KMT2C: variants seen among roughly 807,000 people sequenced by gnomAD.
KMT2C encodes lysine methyltransferase 2C.
A neutral mutation model predicts 507.9 loss-of-function variants in KMT2C; 88 were observed. The ratio of observed to expected loss-of-function variants is 0.17; its 90% CI spans 0.15 to 0.21. KMT2C has a LOEUF of 0.21. Ranked by LOEUF, KMT2C falls within the 10% of genes least tolerant of loss-of-function variation. KMT2C has a pLI of 1.00. For missense variants in KMT2C, 4,954 were observed against 5,957.8 expected (o/e 0.83, Z 5.55); for synonymous variants, 2,049 against 2,080.8 (o/e 0.98, Z 0.42).
intron 1 of KMT2C, among the ~76,000 whole-genome samples, chr7:152,428,006 G>T (rs1376028020): frequency 6.6e-6 from 1 of 152,054 alleles, no homozygotes; most frequent in Non-Finnish European, 1.5e-5. Flanking sequence ...GGTAACTCCT[G>T]TCTCCATATT....
chr7:152,213,927 A>G (rs555504635), intron 23 of KMT2C, among the ~76,000 whole-genome samples: 1 of 152,252 alleles, frequency 6.6e-6, no homozygotes, highest in South Asian at 2.1e-4. Flanking sequence ...CTGAATAGCC[A>G]TTTTTCCAAA....
chr7:152,240,967 T>A (rs1046509165), intron 14 of KMT2C, among the ~76,000 whole-genome samples: 1 of 152,122 alleles, frequency 6.6e-6, no homozygotes, highest in Non-Finnish European at 1.5e-5. Flanking sequence ...ATCAAGCAAG[T>A]CACTATTCTA....
chr7:152,136,866 C>G lies in KMT2C; in HGVS notation c.14702G>C (p.Cys4901Ser). The change falls in exon 59 of 59, where the codon TGT (cysteine) becomes TCT (serine). Residue 4901 changes from cysteine (C) to serine (S), a missense_variant. By Grantham distance (112) the Cys-to-Ser change is moderately radical. Around this residue, in one of 29 missense-constraint regions of KMT2C, gnomAD observed 133 missense variants for 258.9 expected, o/e 0.51. Coordinates refer to ENST00000262189, the MANE Select transcript of KMT2C (RefSeq NM_170606.3). ...CCACTTCCGGCAGTTCACAGCTCCACAGTGACACGGAATCTTGTGCTGGTC... is the reference window on the plus strand; with the variant it reads ...CCACTTCCGGCAGTTCACAGCTCCAGAGTGACACGGAATCTTGTGCTGGTC... ...EDDQHKIPCH[C>S]GAVNCRKWMN 6.2e-7 allele frequency: 1 copy of G among 1,613,696 alleles called. No homozygotes were observed. Among genetic ancestry groups the G allele is most frequent in the South Asian group, 1.1e-5 (1 of 91,086 alleles).
At chr7:152,435,579 C>T (rs911899100) in intron 1 of KMT2C, 47 bp downstream of exon 1, 36 of 1,297,616 alleles carry the variant, frequency 2.8e-5, no homozygotes, top group Admixed American at 2.2e-4. Flanking sequence ...AGCTCCGGCC[C>T]GGCGCCGCCG....
intron 1 of KMT2C, among the ~76,000 whole-genome samples, chr7:152,413,586 T>A (rs1214836065): frequency 2.0e-5 from 3 of 152,118 alleles, no homozygotes; most frequent in Non-Finnish European, 4.4e-5. Context: ...TTTGTTCTCT[T>A]TAAAATTACA....
intron 1 of KMT2C, among the ~76,000 whole-genome samples, chr7:152,432,622 G>T (rs1359498467): frequency 6.6e-6 from 1 of 152,114 alleles, no homozygotes; most frequent in Non-Finnish European, 1.5e-5. Context: ...CAAGTTTCTT[G>T]ATTTTAGGTA....
At chr7:152,395,727 C>CAGG (rs2097534448) in intron 1 of KMT2C, among the ~76,000 whole-genome samples, 2 of 152,088 alleles carry the variant, frequency 1.3e-5, no homozygotes, top group African/African-American at 4.8e-5. Flanking sequence ...AGGCTGGTCT[C>CAGG]AAACTCCTGA....
At chr7:152,297,363 T>G (rs369342058) in intron 6 of KMT2C, among the ~76,000 whole-genome samples, 1 of 152,104 alleles carries the variant, frequency 6.6e-6, no homozygotes, top group Admixed American at 6.6e-5. Context: ...GAGGAGACAG[T>G]TGCATAGAAA....
At chr7:152,141,365 T>G (rs775789567) in intron 55 of KMT2C, among the ~76,000 whole-genome samples, 11 of 151,702 alleles carry the variant, frequency 7.3e-5, no homozygotes, top group Non-Finnish European at 1.6e-4. Context: ...AAATCTAACG[T>G]ACAGTAGTAA....
intron 6 of KMT2C, among the ~76,000 whole-genome samples, chr7:152,290,210 TTATA>T (rs560278783): frequency 7.0e-5 from 8 of 114,942 alleles, no homozygotes; most frequent in South Asian, 3.1e-4. Flanking sequence ...CTAATAAATT[TTATA>T]TATATATGTG....
At chr7:152,418,277 T>C (rs1324617766) in intron 1 of KMT2C, among the ~76,000 whole-genome samples, 3 of 152,036 alleles carry the variant, frequency 2.0e-5, no homozygotes, top group African/African-American at 7.2e-5. Flanking sequence ...CTGCCTATGG[T>C]AATCTGTCCT....
At chr7:152,411,200 C>T (rs148807327) in intron 1 of KMT2C, among the ~76,000 whole-genome samples, 2 of 128,324 alleles carry the variant, frequency 1.6e-5, no homozygotes, top group Non-Finnish European at 3.3e-5. Flanking sequence ...CAAAAATATC[C>T]TATGAAAAGA....
In KMT2C at chr7:152,315,255, C is replaced by A. The variant is rs2129202615; in HGVS notation, c.473G>T (p.Gly158Val). The A allele has an allele frequency of 6.2e-7, 1 of 1,613,818 alleles. No homozygotes were observed. The highest frequency in any genetic ancestry group is 8.5e-7 in the Non-Finnish European group (1 of 1,179,828). Reference protein sequence around the residue: ...GDLKQFRITPGFILPWRNQPS... With the variant: ...GDLKQFRITPVFILPWRNQPS... ...TTGGTTTCTCCATGGCAAGATAAAT[C>A]CAGGCGTTATTCTGAATTGTTTTAA... Residue 158 changes from glycine (G) to valine (V), a missense_variant, in exon 4 of 59, where the codon GGA (glycine) becomes GTA (valine). By Grantham distance (109) the Gly-to-Val change is moderately radical. Coordinates refer to ENST00000262189, the MANE Select transcript of KMT2C (RefSeq NM_170606.3).
At chr7:152,291,475 G>T (rs62492958) in intron 6 of KMT2C, among the ~76,000 whole-genome samples, 1,643 of 90,922 alleles carry the variant, frequency 0.018, no homozygotes, top group Admixed American at 0.04. Flanking sequence ...AACAAGCTTT[G>T]TAAATTTGTC....
rs1180170531 is a variant in KMT2C, at chr7:152,136,534, G to GAAAAACAAAACA, written c.*286_*297dup. ...AAAACAATGAAACCCACCCACAAGG[G>GAAAAACAAAACA]AAAAACAAAACAAAAAACAAACAAA... On this transcript the variant is annotated 3_prime_UTR_variant, in exon 59 of 59. Transcript: ENST00000262189. 9.3e-6 allele frequency: 3 copies of GAAAAACAAAACA among 322,702 alleles called. No homozygotes were observed. The highest frequency in any genetic ancestry group is 6.7e-5 in the African/African-American group (3 of 44,636). The allele number at this position is 322,702 out of a possible 1,614,324, so 20.0% of individuals were successfully genotyped here. A position where few individuals can be genotyped will look rare whatever the true frequency, so the allele number is the denominator to read the frequency against.
chr7:152,167,333 T>C lies in KMT2C; in HGVS notation c.9563A>G (p.Gln3188Arg). 3.1e-6 allele frequency: 5 copies of C among 1,613,928 alleles called. No homozygotes were observed. Among genetic ancestry groups the C allele is most frequent in the Non-Finnish European group, 4.2e-6 (5 of 1,179,910 alleles). Reference protein sequence around the residue: ...KQYEEWLQETQQLLQMQQKYL... With the variant: ...KQYEEWLQETRQLLQMQQKYL... ...CTTCTGCTGCATTTGAAGCAGCTGT[T>C]GGGTCTCCTGGAGCCACTCTTCATA... is the stretch of plus-strand genomic sequence containing the variant. Residue 3188 changes from glutamine (Q) to arginine (R), a missense_variant, in exon 42 of 59, where the codon CAA becomes CGA. Gln to Arg is a conservative substitution (Grantham distance 43). Around this residue, in one of 29 missense-constraint regions of KMT2C, gnomAD observed 71 missense variants for 139.2 expected, o/e 0.51. Coordinates refer to ENST00000262189, the MANE Select transcript of KMT2C (RefSeq NM_170606.3).
rs1016769957 is a variant in KMT2C at position 152,176,353 on chromosome 7, G to C, written c.9100C>G (p.Pro3034Ala). 4 of 1,614,016 alleles carry C rather than the reference G, an allele frequency of 2.5e-6. No homozygotes were observed. The highest frequency in any genetic ancestry group is 1.3e-5 in the African/African-American group (1 of 74,902). Reference protein sequence around the residue: ...SMSGPQQLMIPQTLAQQNRER... With the variant: ...SMSGPQQLMIAQTLAQQNRER... ...CTATTCTGCTGTGCTAATGTTTGAG[G>C]AATCATTAGCTGTTGGGGTCCAGAC... The change falls in exon 38 of 59, where the codon CCT becomes GCT. Residue 3034 changes from proline (P) to alanine (A), a missense_variant. Pro to Ala is a conservative substitution (Grantham distance 27). Coordinates refer to ENST00000262189, the MANE Select transcript of KMT2C (RefSeq NM_170606.3).
chr7:152,376,694 A>G (rs1489902306), intron 1 of KMT2C, among the ~76,000 whole-genome samples: 1 of 152,246 alleles, frequency 6.6e-6, no homozygotes, highest in African/African-American at 2.4e-5. Context: ...ATGAGGAAAA[A>G]TGCTCTCGTC....
intron 53 of KMT2C, 69 bp from the exon 54 acceptor site, chr7:152,145,364 C>A: frequency 1.3e-6 from 2 of 1,487,906 alleles, no homozygotes; most frequent in South Asian, 2.5e-5. Context: ...TCAAGCTGGT[C>A]AAAGGATGGC....
Sources: allele counts gnomAD v4.1 joint callset (sites outside exome capture counted in the v4.1 genomes callset), GRCh38; gene constraint gnomAD v4.1.1; regional missense constraint gnomAD v4.1.1; transcripts MANE v1.5; gene names NCBI Gene and HGNC (gene_info 2026-07-23, HGNC 2026-07-21).